Variants in AOX1 observed in about 807,000 individuals in gnomAD.
The protein encoded by AOX1 is aldehyde oxidase 1.
A neutral mutation model predicts 169.5 loss-of-function variants in AOX1; 153 were observed. The observed-to-expected ratio is 0.90, with a 90% CI of 0.79 to 1.03. The LOEUF (loss-of-function observed/expected upper bound fraction) is 1.03, where lower values mean the gene tolerates loss of function less well. Ranked by LOEUF, AOX1 falls within the 50% of genes least tolerant of loss-of-function variation. The pLI is 0.00. For missense variants in AOX1, 1,656 were observed against 1,663.9 expected (o/e 1.00, Z 0.08); for synonymous variants, 562 against 581.9 (o/e 0.97, Z 0.49).
At chr2:200,619,860 G>T (rs2034845876) in intron 16 of AOX1, among the ~76,000 whole-genome samples, 1 of 152,100 alleles carries the variant, frequency 6.6e-6, no homozygotes, top group African/African-American at 2.4e-5. Context: ...AGGCTATTCT[G>T]GTTGAAGTAA....
intron 26 of AOX1, 69 bp from the exon 27 acceptor site, chr2:200,656,773 G>T: frequency 3.5e-6 from 4 of 1,153,588 alleles, no homozygotes; most frequent in Admixed American, 2.4e-5. Flanking sequence ...CAAGGAAAAT[G>T]TTTTAATTGA....
chr2:200,653,089 G>A lies in AOX1; in HGVS notation c.3075+1888G>A, dbSNP rs146011454. ...CTGCAGCTGGTAGAGGTAAGGCTGGGGCTAGAACTCAGGCCTGAGTGGCTC... is the reference window on the plus strand; with the variant it reads ...CTGCAGCTGGTAGAGGTAAGGCTGGAGCTAGAACTCAGGCCTGAGTGGCTC... On this transcript the variant is annotated intron_variant, in intron 26 of 34. Transcript: ENST00000374700. 1.5e-4 allele frequency among the ~76,000 whole-genome samples: 23 copies of A among 152,206 alleles called. 1 individual carries two copies. The East Asian group carries it at 4.5e-3, about 29-fold the overall frequency.
downstream of AOX1, among the ~76,000 whole-genome samples, chr2:200,680,043 T>C (rs1471224499): frequency 1.3e-5 from 2 of 152,176 alleles, no homozygotes; most frequent in Admixed American, 6.5e-5. Context: ...CGGGTCACCA[T>C]ACTCCAGCCT....
intron 21 of AOX1, among the ~76,000 whole-genome samples, chr2:200,636,409 A>G (rs1364391696): frequency 6.6e-6 from 1 of 152,068 alleles, no homozygotes; most frequent in Non-Finnish European, 1.5e-5. Context: ...GATTACAGGC[A>G]TGAGCCACCA....
intron 5 of AOX1, among the ~76,000 whole-genome samples, chr2:200,601,276 G>A (rs1429615567): frequency 6.6e-6 from 1 of 152,138 alleles, no homozygotes; most frequent in East Asian, 1.9e-4. Flanking sequence ...CACAGAAGTA[G>A]AGAATAGAAT....
intron 20 of AOX1, among the ~76,000 whole-genome samples, chr2:200,629,548 T>G (rs1235979112): frequency 1.3e-5 from 2 of 152,212 alleles, no homozygotes; most frequent in Non-Finnish European, 2.9e-5. Context: ...TGCCCTTTTT[T>G]AGAATTGTAG....
Position 200,597,452 on chromosome 2 carries a change from G to A in AOX1, c.256G>A (p.Val86Ile), listed in dbSNP as rs200659056. 74 of 1,612,550 alleles carry A rather than the reference G, an allele frequency of 4.6e-5. No homozygotes were observed. Among genetic ancestry groups the A allele is most frequent in the Middle Eastern group, 1.7e-4 (1 of 5,910 alleles). Residue 86 changes from valine to isoleucine, a missense_variant, in exon 4 of 35, where the codon GTC becomes ATC. Coordinates refer to ENST00000374700, the MANE Select transcript of AOX1 (RefSeq NM_001159.4). ...IPICSLYGAA[V>I]TTVEGIGSTH... is the part of the protein sequence containing the mutation. Reference sequence around the variant, plus strand: ...CATCTGTTCTCTGTATGGTGCTGCCGTCACCACAGTAGAAGGCATAGGAAG... The same window carrying A: ...CATCTGTTCTCTGTATGGTGCTGCCATCACCACAGTAGAAGGCATAGGAAG...
At chr2:200,604,389 G>A (rs1304750701) in intron 8 of AOX1, among the ~76,000 whole-genome samples, 1 of 152,202 alleles carries the variant, frequency 6.6e-6, no homozygotes, top group Non-Finnish European at 1.5e-5. Flanking sequence ...TTTTGCTGAA[G>A]TTTATTCCTC....
At chr2:200,637,592 C>A (rs184155626) in intron 22 of AOX1, among the ~76,000 whole-genome samples, 1 of 151,816 alleles carries the variant, frequency 6.6e-6, no homozygotes, top group South Asian at 2.1e-4. Context: ...CACATATATA[C>A]ATATACGTGT....
At chr2:200,612,880 AC>A in intron 14 of AOX1, 87 bp downstream of exon 14, 1 of 1,094,724 alleles carries the variant, frequency 9.1e-7, no homozygotes, top group Non-Finnish European at 1.3e-6. Flanking sequence ...AGATGTGATT[AC>A]AAGAAGAAAA....
intron 20 of AOX1, among the ~76,000 whole-genome samples, chr2:200,629,619 G>T (rs1171846038): frequency 6.6e-6 from 1 of 152,174 alleles, no homozygotes; most frequent in Non-Finnish European, 1.5e-5. Flanking sequence ...CTTAGGGCTA[G>T]TAAAATGTGG....
chr2:200,586,026 G>C lies in AOX1; in HGVS notation c.-83G>C, dbSNP rs1164400401. 73 of 1,491,912 alleles carry C rather than the reference G, an allele frequency of 4.9e-5. No homozygotes were observed. The South Asian group carries it at 8.2e-4, about 17-fold the overall frequency. The allele number at this position is 1,491,912 out of a possible 1,614,324, so 92.4% of individuals were successfully genotyped here. On this transcript the variant is annotated 5_prime_UTR_variant, in exon 1 of 35. Coordinates refer to ENST00000374700, the MANE Select transcript of AOX1 (RefSeq NM_001159.4). ...CAAGCCCCGCCCCACTCGGCGGGTCGGTGCCGCCGGGTCCCAGGTGCCCGC... is the reference window on the plus strand; with the variant it reads ...CAAGCCCCGCCCCACTCGGCGGGTCCGTGCCGCCGGGTCCCAGGTGCCCGC...
chr2:200,673,007 A>G (rs1443924541), downstream of AOX1, among the ~76,000 whole-genome samples: 3 of 152,196 alleles, frequency 2.0e-5, no homozygotes, highest in South Asian at 6.2e-4. Context: ...CTTTTAATCT[A>G]AGTGGCTGCA....
chr2:200,604,485 G>T (rs564402401), intron 8 of AOX1, among the ~76,000 whole-genome samples: 1 of 152,328 alleles, frequency 6.6e-6, no homozygotes, highest in Non-Finnish European at 1.5e-5. Flanking sequence ...ACCAAAGGGA[G>T]ACAGACCAAG....
intron 13 of AOX1, 39 bp downstream of exon 13, chr2:200,611,532 T>G: frequency 7.8e-7 from 1 of 1,289,418 alleles, no homozygotes; most frequent in Non-Finnish European, 1.1e-6. Context: ...GTTGCACCTG[T>G]GATGCTATGG....
In AOX1 at chr2:200,669,637, G is replaced by A; in HGVS notation, c.3861G>A (p.Val1287=). The A allele has an allele frequency of 6.2e-7, 1 of 1,614,004 alleles. No individual in the cohort carries two copies. The highest frequency in any genetic ancestry group is 8.5e-7 in the Non-Finnish European group (1 of 1,180,002). ...TGTTTTTCGCTATCCATGACGCAGT[G>A]AGTGCAGCACGACAGGAGAGAGGCC... ...CSVFFAIHDA[V]SAARQERGLH... The change falls in exon 34 of 35, where the codon GTG becomes GTA. Residue 1287 remains valine, a synonymous_variant. Transcript: ENST00000374700.
intron 11 of AOX1, 90 bp downstream of exon 11, chr2:200,609,225 C>T: frequency 1.9e-6 from 3 of 1,585,278 alleles, no homozygotes; most frequent in East Asian, 4.5e-5. Context: ...TTGGAACAGA[C>T]AAAAAAAATA....
chr2:200,603,137 C>A lies in AOX1; in HGVS notation c.499-130C>A, dbSNP rs2034449163. 4.2e-6 allele frequency: 3 copies of A among 722,544 alleles called. No homozygotes were observed. In the South Asian group the frequency reaches 5.7e-5, roughly 14 times the overall value. 44.8% of individuals were successfully genotyped at this position (722,544 alleles called of 1,614,324 possible). ...ATGTTGGTTTGGATATGTTTAAGTA[C>A]AAATGGCTCTCTTTCATGGCATCTA... is the stretch of plus-strand genomic sequence containing the variant. On this transcript the variant is annotated intron_variant, in intron 6 of 34. Coordinates refer to ENST00000374700, the MANE Select transcript of AOX1 (RefSeq NM_001159.4).
At position 200,670,712 on chromosome 2, in the gene AOX1, C is replaced by CCATCTGGGAAGAGGCA; in HGVS notation, c.*34_*35insATCTGGGAAGAGGCAC. The stretch of plus-strand genomic sequence containing the variant: ...GCAAACTTCTGGAGAAAACAGAGTG[C>CCATCTGGGAAGAGGCA]CTCTTCCCAGATGGCAATCTGTCCT... On this transcript the variant is annotated 3_prime_UTR_variant, in exon 35 of 35. Coordinates refer to ENST00000374700, the MANE Select transcript of AOX1 (RefSeq NM_001159.4). The CCATCTGGGAAGAGGCA allele has an allele frequency of 6.3e-7, 1 of 1,575,008 alleles. No individual in the cohort carries two copies.
Sources: allele counts gnomAD v4.1 joint callset (sites outside exome capture counted in the v4.1 genomes callset), GRCh38; gene constraint gnomAD v4.1.1; transcripts MANE v1.5; gene names NCBI Gene and HGNC (gene_info 2026-07-23, HGNC 2026-07-21).